Variants in GBF1 observed in about 807,000 individuals in gnomAD.
The protein encoded by GBF1 is golgi brefeldin A resistant guanine nucleotide exchange factor 1, also known as Golgi-specific brefeldin A-resistance guanine nucleotide exchange factor 1.
A neutral mutation model predicts 210.5 loss-of-function variants in GBF1; 114 were observed. The ratio of observed to expected loss-of-function variants is 0.54; its 90% confidence interval spans 0.47 to 0.63. The LOEUF is 0.63. Ranked by LOEUF, GBF1 falls within the 30% of genes least tolerant of loss-of-function variation. The pLI is 0.00. For synonymous variants in GBF1, 850 were observed against 889.2 expected, an observed-to-expected ratio of 0.96 and a Z score of 0.78; for missense variants, 1,851 against 2,357.7, an observed-to-expected ratio of 0.79 and a Z score of 4.45.
chr10:102,318,626 T>C (rs983014265), intron 3 of GBF1, among the ~76,000 whole-genome samples: 5 of 152,210 alleles, frequency 3.3e-5, no homozygotes, highest in Non-Finnish European at 7.3e-5. Context: ...CTTTAGGTAA[T>C]ACATGTACAT....
Position 102,367,096 on chromosome 10 carries a change from C to T in GBF1, c.2445C>T (p.Gly815=), listed in dbSNP as rs1195203124. The change falls in exon 20 of 40, where the codon GGC becomes GGT. Residue 815 remains glycine, a synonymous_variant. Transcript: ENST00000369983. ...CTTTGCTTTTTCAGAATTGTAATGG[C>T]TCCCCATTTGCCAATAGCGATGCCT... ...AFTERWMNCN[G]SPFANSDACF... is the part of the protein sequence containing the mutation. The T allele has an allele frequency of 2.5e-6, 4 of 1,614,082 alleles. No individual in the cohort carries two copies. In the African/African-American group the frequency reaches 5.3e-5, roughly 22 times the overall value.
At chr10:102,380,400 C>A in intron 37 of GBF1, 38 bp downstream of exon 37, 1 of 1,578,024 alleles carries the variant, frequency 6.3e-7, no homozygotes, top group South Asian at 1.1e-5. Flanking sequence ...GCCTCCTGTC[C>A]CACCTGTTGG....
At chr10:102,338,237 CTT>C (rs398046214) in intron 3 of GBF1, among the ~76,000 whole-genome samples, 10 of 114,146 alleles carry the variant, frequency 8.8e-5, no homozygotes, top group Admixed American at 9.0e-5. Flanking sequence ...CAACCTTCTT[CTT>C]TTTTTTTTTT....
intron 3 of GBF1, among the ~76,000 whole-genome samples, chr10:102,312,640 T>TGG (rs1212236249): frequency 6.6e-6 from 1 of 152,216 alleles, no homozygotes; most frequent in African/African-American, 2.4e-5. Context: ...AGATCTTAGT[T>TGG]GGAGTAAGCC....
At chr10:102,278,654 C>A (rs1346294586) in intron 3 of GBF1, among the ~76,000 whole-genome samples, 1 of 152,140 alleles carries the variant, frequency 6.6e-6, no homozygotes, top group Non-Finnish European at 1.5e-5. Flanking sequence ...TCTCTTATAG[C>A]TATTTGGAAA....
chr10:102,239,301 A>G, the GBF1 span, among the ~76,000 whole-genome samples: 2 of 152,228 alleles, frequency 1.3e-5, no homozygotes, highest in Non-Finnish European at 2.9e-5. Flanking sequence ...CTTCATTATG[A>G]TACCACCTCT....
the GBF1 span, among the ~76,000 whole-genome samples, chr10:102,239,400 C>T: frequency 1.3e-5 from 2 of 152,236 alleles, no homozygotes; most frequent in Admixed American, 6.5e-5. Context: ...GACACAGAGT[C>T]CTTCATTTCA....
At chr10:102,354,907 T>C (rs2059202823) in intron 8 of GBF1, among the ~76,000 whole-genome samples, 1 of 145,962 alleles carries the variant, frequency 6.9e-6, no homozygotes, top group Admixed American at 7.1e-5. Context: ...TCCATCTAGT[T>C]GGGATCTTTT....
intron 1 of GBF1, among the ~76,000 whole-genome samples, chr10:102,249,703 T>C (rs1283920130): frequency 6.6e-6 from 1 of 151,912 alleles, no homozygotes; most frequent in Admixed American, 6.6e-5. Flanking sequence ...TTTTTTTTTT[T>C]TTTTCTCTGA....
At chr10:102,334,228 C>T (rs142682298) in intron 3 of GBF1, among the ~76,000 whole-genome samples, 2 of 152,266 alleles carry the variant, frequency 1.3e-5, no homozygotes, top group East Asian at 1.9e-4. Context: ...AATAACATAC[C>T]GCAGGCCTTT....
rs1450520107 is a variant in GBF1 at position 102,260,037 on chromosome 10, A to G, written c.97-13A>G. ...GCCCAATAATGACTTACTTTAATCT[A>G]TGTGTTCTACAGGATGAAGAACGGG... On this transcript the variant is annotated splice_polypyrimidine_tract_variant and intron_variant, in intron 2 of 39. Transcript: ENST00000369983. 4 of 1,513,758 alleles carry G rather than the reference A, an allele frequency of 2.6e-6. No homozygotes were observed. Among genetic ancestry groups the G allele is most frequent in the African/African-American group, 2.7e-5 (2 of 73,010 alleles). The allele number at this position is 1,513,758 out of a possible 1,614,324, so 93.8% of individuals were successfully genotyped here.
chr10:102,352,419 A>C, intron 6 of GBF1, 39 bp from the exon 7 acceptor site: 1 of 1,372,776 alleles, frequency 7.3e-7, no homozygotes, highest in Non-Finnish European at 1.0e-6. Context: ...ATAGCACAGC[A>C]AGTAATGACA....
intron 3 of GBF1, among the ~76,000 whole-genome samples, chr10:102,331,179 C>G (rs1241353865): frequency 6.6e-6 from 1 of 152,046 alleles, no homozygotes; most frequent in Non-Finnish European, 1.5e-5. Flanking sequence ...GGGCAAGGTC[C>G]TGACAAAGGT....
upstream of GBF1, among the ~76,000 whole-genome samples, chr10:102,242,048 T>C (rs934857553): frequency 6.6e-6 from 1 of 152,236 alleles, no homozygotes; most frequent in Non-Finnish European, 1.5e-5. Flanking sequence ...CTCTTCTTTC[T>C]CCTCAGCCGC....
intron 4 of GBF1, among the ~76,000 whole-genome samples, chr10:102,350,890 C>G (rs1453216335): frequency 6.6e-6 from 1 of 152,054 alleles, no homozygotes; most frequent in Admixed American, 6.6e-5. Flanking sequence ...TCAAGACCAG[C>G]CTAGCCAACA....
Position 102,376,772 on chromosome 10 carries a change from G to C in GBF1, c.4260G>C (p.Arg1420=). ...TTGAGCTCTGCGTCAAGACTCTCCG[G>C]ATCTTTGTGGAGGCCAGTCTGAATG... ...DNFELCVKTL[R]IFVEASLNGG... Residue 1420 remains arginine, a synonymous_variant, in exon 32 of 40, where the codon CGG becomes CGC. Coordinates refer to ENST00000369983, the MANE Select transcript of GBF1 (RefSeq NM_001377137.1). 1.2e-6 allele frequency: 2 copies of C among 1,609,066 alleles called. No homozygotes were observed. The highest frequency in any genetic ancestry group is 1.7e-6 in the Non-Finnish European group (2 of 1,179,974).
chr10:102,379,166 TG>T, intron 33 of GBF1, 117 bp from the exon 34 acceptor site: 1 of 870,638 alleles, frequency 1.1e-6, no homozygotes, highest in Non-Finnish European at 1.8e-6. Context: ...GGGTGAGGTA[TG>T]GCATGATTGG....
chr10:102,378,524 GGCTGAGTA>G (rs1282036377), intron 33 of GBF1, among the ~76,000 whole-genome samples: 14 of 152,118 alleles, frequency 9.2e-5, no homozygotes, highest in African/African-American at 2.4e-4. Flanking sequence ...CTACTGGGGA[GGCTGAGTA>G]GCTGAGTAGG....
At chr10:102,284,122 G>T (rs760858508) in intron 3 of GBF1, among the ~76,000 whole-genome samples, 2 of 152,118 alleles carry the variant, frequency 1.3e-5, no homozygotes, top group Non-Finnish European at 2.9e-5. Flanking sequence ...AAAAACTATA[G>T]AGGAGACACG....
Sources: gnomAD v4.1 joint callset for allele counts (sites outside exome capture counted in the v4.1 genomes callset) on GRCh38, gnomAD v4.1.1 for gene constraint, MANE v1.5 for transcripts, NCBI Gene and HGNC (gene_info 2026-07-23, HGNC 2026-07-21) for gene names.